ST6GAL1: variants seen among roughly 807,000 people sequenced by gnomAD.
ST6GAL1 encodes ST6 beta-galactoside alpha-2,6-sialyltransferase 1, also known as beta-galactoside alpha-2,6-sialyltransferase 1.
Under a neutral mutation model 38.0 loss-of-function variants are expected in ST6GAL1, and 20 were observed. That is an observed-to-expected ratio of 0.53 (90% CI 0.37 to 0.77). The LOEUF (loss-of-function observed/expected upper bound fraction) is 0.77. Ranked by LOEUF, ST6GAL1 falls within the 30% of genes least tolerant of loss-of-function variation. The pLI, the probability that ST6GAL1 is intolerant of heterozygous loss-of-function variation, is 0.00. For synonymous variants in ST6GAL1, 196 were observed against 188.2 expected, an observed-to-expected ratio of 1.04 and a Z score of -0.34; for missense variants, 432 against 496.4, an observed-to-expected ratio of 0.87 and a Z score of 1.23.
At chr3:187,039,612 A>G (rs1560172255) in intron 3 of ST6GAL1, among the ~76,000 whole-genome samples, 2 of 152,224 alleles carry the variant, frequency 1.3e-5, no homozygotes, top group Admixed American at 6.5e-5. Context: ...GAGGCTTAAC[A>G]CAGTCTGGTG....
rs978252515 is a variant in ST6GAL1 at position 187,076,176 on chromosome 3, A to G, written c.*373A>G. Reference sequence around the variant, plus strand: ...CCATTCTCACAAACCAATGCTCTATATTGCTTGAAGTCTGCATCTAAATAT... The same window carrying G: ...CCATTCTCACAAACCAATGCTCTATGTTGCTTGAAGTCTGCATCTAAATAT... On this transcript the variant is annotated 3_prime_UTR_variant, in exon 8 of 8. Transcript: ENST00000169298. The G allele has an allele frequency of 9.2e-6, 2 of 217,592 alleles. No homozygotes were observed. The highest frequency in any genetic ancestry group is 2.3e-5 in the African/African-American group (1 of 43,666). 13.5% of individuals were successfully genotyped at this position (217,592 alleles called of 1,614,324 possible). A position where few individuals can be genotyped will look rare whatever the true frequency, so the allele number is the denominator to read the frequency against.
chr3:187,020,048 C>T (rs548529344), intron 2 of ST6GAL1, among the ~76,000 whole-genome samples: 1 of 152,270 alleles, frequency 6.6e-6, no homozygotes, highest in African/African-American at 2.4e-5. Flanking sequence ...CCTGTAATCC[C>T]AGCACTTTGA....
At position 187,044,189 on chromosome 3, in the gene ST6GAL1, A is replaced by G. The variant is rs1718220408; in HGVS notation, c.607+879A>G. 2.6e-5 allele frequency among the ~76,000 whole-genome samples: 4 copies of G among 152,202 alleles called. No homozygotes were observed. The South Asian group carries it at 8.3e-4, about 32-fold the overall frequency. ...GTGAATCAAGATAGAAAGTCTGTCTATATTTGTAAACCTGTGTAACAGAGA... is the reference window on the plus strand; with the variant it reads ...GTGAATCAAGATAGAAAGTCTGTCTGTATTTGTAAACCTGTGTAACAGAGA... On this transcript the variant is annotated intron_variant, in intron 4 of 7. Coordinates refer to ENST00000169298, the MANE Select transcript of ST6GAL1 (RefSeq NM_173216.2).
intron 2 of ST6GAL1, among the ~76,000 whole-genome samples, chr3:187,019,150 C>T (rs983001990): frequency 3.3e-5 from 5 of 151,986 alleles, no homozygotes; most frequent in African/African-American, 1.2e-4. Context: ...GGAATCGTGT[C>T]GGGGGAAACA....
At chr3:187,056,066 T>C (rs1384633175) in intron 5 of ST6GAL1, among the ~76,000 whole-genome samples, 1 of 152,244 alleles carries the variant, frequency 6.6e-6, no homozygotes, top group Non-Finnish European at 1.5e-5. Flanking sequence ...TGTAATGGCC[T>C]TCTTTATCTC....
At chr3:187,074,082 C>T (rs537375188) in intron 6 of ST6GAL1, 77 bp from the exon 7 acceptor site, 2 of 1,336,172 alleles carry the variant, frequency 1.5e-6, no homozygotes, top group Non-Finnish European at 2.0e-6. Flanking sequence ...CCCATGTCCA[C>T]TGATGAAGAT....
chr3:187,072,435 A>G (rs1467412073), intron 5 of ST6GAL1: 2 of 280,604 alleles, frequency 7.1e-6, no homozygotes, highest in African/African-American at 4.4e-5. Context: ...CAGGATGTGT[A>G]TGTAGTGTAC....
intron 5 of ST6GAL1, among the ~76,000 whole-genome samples, chr3:187,055,712 T>G (rs1718676432): frequency 6.6e-6 from 1 of 152,124 alleles, no homozygotes. Flanking sequence ...TGCTGAGGAG[T>G]GCTTTACTTC....
chr3:187,043,359 T>G, intron 4 of ST6GAL1, 49 bp downstream of exon 4: 1 of 1,572,604 alleles, frequency 6.4e-7, no homozygotes, highest in Non-Finnish European at 8.6e-7. Flanking sequence ...TGGGACTGGC[T>G]GGGCATATTG....
At chr3:186,976,481 A>G (rs987193960) in intron 2 of ST6GAL1, among the ~76,000 whole-genome samples, 9 of 152,026 alleles carry the variant, frequency 5.9e-5, no homozygotes, top group South Asian at 2.1e-4. Flanking sequence ...CTAGGCTGGA[A>G]TGCAGTGGCA....
At position 186,970,026 on chromosome 3, in the gene ST6GAL1, A is replaced by C. The variant is rs1715292995; in HGVS notation, c.-183+6100A>C. Among the ~76,000 whole-genome samples, 3 of 152,266 alleles carry C rather than the reference A, an allele frequency of 2.0e-5. No homozygotes were observed. In the East Asian group the frequency reaches 5.8e-4, roughly 29 times the overall value. Reference sequence around the variant, plus strand: ...ATGCACAGGAAGTTGAAAAGATAGTACAGAGACTCCTGATGCATCCTTCCT... The same window carrying C: ...ATGCACAGGAAGTTGAAAAGATAGTCCAGAGACTCCTGATGCATCCTTCCT... On this transcript the variant is annotated intron_variant, in intron 2 of 7. Transcript: ENST00000169298.
At chr3:186,935,461 CAT>C (rs1382940357) in intron 1 of ST6GAL1, among the ~76,000 whole-genome samples, 2 of 152,160 alleles carry the variant, frequency 1.3e-5, no homozygotes, top group African/African-American at 2.4e-5. Flanking sequence ...CTGCAGTGAA[CAT>C]ATGCGCGCAT....
At chr3:186,981,418 T>C (rs143103672) in intron 2 of ST6GAL1, among the ~76,000 whole-genome samples, 39 of 152,266 alleles carry the variant, frequency 2.6e-4, no homozygotes, top group African/African-American at 4.1e-4. Context: ...ACGGCCTCCT[T>C]CTTATTTGCT....
intron 2 of ST6GAL1, among the ~76,000 whole-genome samples, chr3:186,982,991 T>C (rs1202247010): frequency 6.6e-6 from 1 of 152,054 alleles, no homozygotes; most frequent in African/African-American, 2.4e-5. Flanking sequence ...CCCAATTCTC[T>C]CTTTTTAATA....
intron 1 of ST6GAL1, among the ~76,000 whole-genome samples, chr3:186,940,780 AGT>A (rs1009132584): frequency 1.1e-4 from 11 of 96,766 alleles, no homozygotes; most frequent in African/African-American, 4.6e-4. Flanking sequence ...TTCCCATGTC[AGT>A]GTTTTTTTTT....
Position 187,075,504 on chromosome 3 carries a change from A to G in ST6GAL1, c.980-58A>G. ...ATGAGCTGCTGAACCCACTGGGCAG[A>G]GCTCTGGGGTGCTGGGGTGGGTTGT... On this transcript the variant is annotated intron_variant, in intron 7 of 7. Transcript: ENST00000169298. This position sits in a 1 kb window ranked among gnomAD's most constrained non-coding sequence, Gnocchi z 4.1. 6.3e-7 allele frequency: 1 copy of G among 1,594,448 alleles called. No homozygotes were observed. Among genetic ancestry groups the G allele is most frequent in the Non-Finnish European group, 8.6e-7 (1 of 1,167,314 alleles).
chr3:186,964,944 C>T (rs1040803921), intron 2 of ST6GAL1, among the ~76,000 whole-genome samples: 5 of 152,076 alleles, frequency 3.3e-5, no homozygotes, highest in African/African-American at 9.7e-5. Flanking sequence ...GTGAGATTTC[C>T]GTCATTATTT....
rs771739179 is a variant in ST6GAL1 at position 186,990,136 on chromosome 3, C to T, written c.-183+26210C>T. Among the ~76,000 whole-genome samples, 12 of 152,212 alleles carry T rather than the reference C, an allele frequency of 7.9e-5. 1 individual carries two copies. Among genetic ancestry groups the T allele is most frequent in the African/African-American group, 2.2e-4 (9 of 41,452 alleles). ...GCAACCTGTGCTTCCCAGGTTCAAG[C>T]GATTCTCCTGCCTTGGCCTCCCCAG... On this transcript the variant is annotated intron_variant, in intron 2 of 7. Coordinates refer to ENST00000169298, the MANE Select transcript of ST6GAL1 (RefSeq NM_173216.2).
At chr3:186,961,996 C>A (rs982311180) in intron 1 of ST6GAL1, among the ~76,000 whole-genome samples, 1 of 152,174 alleles carries the variant, frequency 6.6e-6, no homozygotes, top group Non-Finnish European at 1.5e-5. Context: ...CCTGACTGCT[C>A]TCATTTCCCC....
Sources: gnomAD v4.1 joint callset for allele counts (sites outside exome capture counted in the v4.1 genomes callset) on GRCh38, gnomAD v4.1.1 for gene constraint, Gnocchi (gnomAD v3.1) non-coding constraint, MANE v1.5 for transcripts, NCBI Gene and HGNC (gene_info 2026-07-23, HGNC 2026-07-21) for gene names.